NELL1: variants seen among roughly 807,000 people sequenced by gnomAD.
NELL1 encodes the protein protein kinase C-binding protein NELL1.
In NELL1, 76 loss-of-function variants were observed where a neutral mutation model predicts 107.4. That is an observed-to-expected ratio of 0.71 (90% CI 0.59 to 0.86). The LOEUF (loss-of-function observed/expected upper bound fraction) is 0.86. Among genes scored for constraint, NELL1 ranks in the 40% least tolerant of loss-of-function variants. NELL1 has a pLI of 0.00. For missense variants in NELL1, 1,024 were observed against 1,005.5 expected (o/e 1.02, Z -0.25); for synonymous variants, 353 against 341.2 (o/e 1.03, Z -0.38).
intron 12 of NELL1, among the ~76,000 whole-genome samples, chr11:21,049,050 C>T (rs189838879): frequency 6.6e-6 from 1 of 152,276 alleles, no homozygotes; most frequent in Admixed American, 6.5e-5. Flanking sequence ...AAACCCTCAG[C>T]CAGTTCCACA....
At chr11:20,723,036 C>T (rs1035252766) in intron 2 of NELL1, among the ~76,000 whole-genome samples, 2 of 152,136 alleles carry the variant, frequency 1.3e-5, no homozygotes, top group African/African-American at 4.8e-5. Flanking sequence ...CACTCATTAT[C>T]ATGAGAACAG....
At chr11:21,535,129 G>T (rs1048566647) in intron 16 of NELL1, among the ~76,000 whole-genome samples, 6 of 152,060 alleles carry the variant, frequency 3.9e-5, no homozygotes, top group Non-Finnish European at 7.4e-5. Flanking sequence ...CTGCTTTATT[G>T]GGTCTCTTCT....
chr11:21,467,392 T>C (rs991607851), intron 15 of NELL1, among the ~76,000 whole-genome samples: 14 of 152,120 alleles, frequency 9.2e-5, no homozygotes, highest in Non-Finnish European at 1.9e-4. Flanking sequence ...TACAATTATA[T>C]ATTTATTGTC....
chr11:21,044,228 A>G (rs1853304297), intron 12 of NELL1, among the ~76,000 whole-genome samples: 2 of 152,112 alleles, frequency 1.3e-5, no homozygotes, highest in South Asian at 4.1e-4. Context: ...GGATTTTAAG[A>G]AGGAGGAGTT....
At position 20,953,525 on chromosome 11, in the gene NELL1, T is replaced by A. The variant is rs1015467436; in HGVS notation, c.1171+6090T>A. Among the ~76,000 whole-genome samples the A allele has an allele frequency of 2.6e-5, 4 of 152,178 alleles. No individual in the cohort carries two copies. The East Asian group carries it at 7.7e-4, about 29-fold the overall frequency. On this transcript the variant is annotated intron_variant, in intron 11 of 19. Transcript: ENST00000357134. ...AGTGTAATAGGCAGAGCTTATTATA[T>A]GCAGATTAGGCTAATGAATTTAATG...
intron 13 of NELL1, among the ~76,000 whole-genome samples, chr11:21,115,209 T>C (rs1343908719): frequency 6.6e-6 from 1 of 151,944 alleles, no homozygotes; most frequent in Non-Finnish European, 1.5e-5. Flanking sequence ...CACAATTACT[T>C]TTAGAAAGGG....
At position 20,927,688 on chromosome 11, in the gene NELL1, A is replaced by G. The variant is rs964373568; in HGVS notation, c.894+246A>G. Among the ~76,000 whole-genome samples the G allele has an allele frequency of 3.3e-5, 5 of 152,206 alleles. 1 individual carries two copies. Among genetic ancestry groups the G allele is most frequent in the South Asian group, 4.1e-4 (2 of 4,830 alleles). On this transcript the variant is annotated intron_variant, in intron 8 of 19. Transcript: ENST00000357134. Reference sequence around the variant, plus strand: ...ACACCCTAATTTGATTTAATAGGCAATGTTTGGAGTTTGAAGGTTGGGATA... The same window carrying G: ...ACACCCTAATTTGATTTAATAGGCAGTGTTTGGAGTTTGAAGGTTGGGATA...
intron 15 of NELL1, among the ~76,000 whole-genome samples, chr11:21,490,458 C>CAAAAAAAA (rs66826369): frequency 1.8e-5 from 2 of 109,978 alleles, no homozygotes; most frequent in Admixed American, 1.8e-4. Context: ...TGTATGGAAC[C>CAAAAAAAA]AAAAAAAAAA....
At chr11:20,773,876 G>C (rs1856689195) in intron 2 of NELL1, among the ~76,000 whole-genome samples, 1 of 152,102 alleles carries the variant, frequency 6.6e-6, no homozygotes, top group Non-Finnish European at 1.5e-5. Context: ...CTCTTACCTG[G>C]AAGATTAAGT....
chr11:20,672,913 A>G (rs945779938), intron 1 of NELL1, among the ~76,000 whole-genome samples: 115 of 140,156 alleles, frequency 8.2e-4, no homozygotes, highest in Non-Finnish European at 3.5e-4. Context: ...GTGCAGCGAC[A>G]TGATCTCGGC....
chr11:20,803,021 GTAATTTTCTT>G (rs1487396360), intron 3 of NELL1, among the ~76,000 whole-genome samples: 2 of 152,094 alleles, frequency 1.3e-5, no homozygotes, highest in Non-Finnish European at 2.9e-5. Context: ...ATATTGGCCT[GTAATTTTCTT>G]TATTTTTTTA....
At chr11:20,951,670 A>G (rs1851070897) in intron 11 of NELL1, among the ~76,000 whole-genome samples, 1 of 152,166 alleles carries the variant, frequency 6.6e-6, no homozygotes, top group Non-Finnish European at 1.5e-5. Context: ...GAGAAGAACT[A>G]TAGAATTGGT....
intron 2 of NELL1, among the ~76,000 whole-genome samples, chr11:20,774,463 C>A (rs1856709800): frequency 6.8e-6 from 1 of 147,106 alleles, no homozygotes. Flanking sequence ...AATTCCTGGG[C>A]TCATGTTATC....
intron 12 of NELL1, among the ~76,000 whole-genome samples, chr11:20,963,252 C>A (rs1055004964): frequency 2.0e-5 from 3 of 152,080 alleles, no homozygotes; most frequent in Non-Finnish European, 2.9e-5. Flanking sequence ...AAAGTCATTC[C>A]CCAACTCTAC....
intron 13 of NELL1, among the ~76,000 whole-genome samples, chr11:21,228,109 C>T (rs906251714): frequency 2.8e-4 from 43 of 152,022 alleles, no homozygotes; most frequent in African/African-American, 7.5e-4. Context: ...TTGAATGGCC[C>T]TACTGGATTT....
intron 13 of NELL1, among the ~76,000 whole-genome samples, chr11:21,204,386 T>C (rs1331562610): frequency 6.6e-6 from 1 of 151,912 alleles, no homozygotes; most frequent in Non-Finnish European, 1.5e-5. Context: ...TATCCTTTCT[T>C]CTGCTTGATC....
At chr11:21,410,866 TA>T (rs750570277) in intron 15 of NELL1, among the ~76,000 whole-genome samples, 111 of 152,112 alleles carry the variant, frequency 7.3e-4, no homozygotes, top group Non-Finnish European at 1.4e-3. Flanking sequence ...TGGTGGCTGA[TA>T]AATGGCAATT....
chr11:21,059,614 A>G (rs1043654685), intron 12 of NELL1, among the ~76,000 whole-genome samples: 1 of 152,148 alleles, frequency 6.6e-6, no homozygotes, highest in African/African-American at 2.4e-5. Context: ...ACTTTCGGAT[A>G]TACACTAGGG....
intron 14 of NELL1, among the ~76,000 whole-genome samples, chr11:21,301,172 CT>C (rs1444623711): frequency 3.3e-5 from 5 of 152,134 alleles, no homozygotes; most frequent in African/African-American, 1.2e-4. Context: ...GGTTCCAAGT[CT>C]TTGCTATTGT....
Sources: gnomAD v4.1 joint callset for allele counts (sites outside exome capture counted in the v4.1 genomes callset) on GRCh38, gnomAD v4.1.1 for gene constraint, MANE v1.5 for transcripts, NCBI Gene and HGNC (gene_info 2026-07-23, HGNC 2026-07-21) for gene names.